Variants in KCNIP1 observed in about 807,000 individuals in gnomAD.
KCNIP1 encodes the protein A-type potassium channel modulatory protein KCNIP1.
Under a neutral mutation model 33.0 loss-of-function variants are expected in KCNIP1, and 18 were observed. The observed-to-expected ratio is 0.55, with a 90% CI of 0.38 to 0.81. KCNIP1 has a LOEUF of 0.81. Ranked by LOEUF, KCNIP1 falls within the 30% of genes least tolerant of loss-of-function variation. KCNIP1 has a pLI of 0.00. For missense variants in KCNIP1, 238 were observed against 271.6 expected, an observed-to-expected ratio of 0.88 and a Z score of 0.87; for synonymous variants, 93 against 98.3, an observed-to-expected ratio of 0.95 and a Z score of 0.32.
At chr5:170,442,510 C>T (rs1197778720) in intron 1 of KCNIP1, among the ~76,000 whole-genome samples, 3 of 152,166 alleles carry the variant, frequency 2.0e-5, no homozygotes, top group African/African-American at 2.4e-5. Flanking sequence ...GACAGGGCCT[C>T]GTTCTGCGTT....
chr5:170,514,485 C>T (rs1202367768), intron 1 of KCNIP1, among the ~76,000 whole-genome samples: 1 of 152,220 alleles, frequency 6.6e-6, no homozygotes, highest in Non-Finnish European at 1.5e-5. Context: ...ACTCTAAGCC[C>T]TGTAGGCCCT....
chr5:170,487,634 A>C (rs1581236146), intron 1 of KCNIP1, among the ~76,000 whole-genome samples: 1 of 149,828 alleles, frequency 6.7e-6, no homozygotes, highest in African/African-American at 2.5e-5. Context: ...CAATCCTCCC[A>C]CCTCAGCCCC....
At chr5:170,730,281 C>G (rs1764151174) in intron 5 of KCNIP1, among the ~76,000 whole-genome samples, 1 of 152,160 alleles carries the variant, frequency 6.6e-6, no homozygotes, top group African/African-American at 2.4e-5. Context: ...TATTCCATCA[C>G]TGAATAAACT....
chr5:170,660,138 G>A (rs746215481), intron 1 of KCNIP1, among the ~76,000 whole-genome samples: 1 of 152,132 alleles, frequency 6.6e-6, no homozygotes, highest in Non-Finnish European at 1.5e-5. Flanking sequence ...AGACCCAGCT[G>A]CTTTTCAAAT....
At chr5:170,577,984 C>T (rs1022287216) in intron 1 of KCNIP1, among the ~76,000 whole-genome samples, 2 of 152,202 alleles carry the variant, frequency 1.3e-5, no homozygotes, top group African/African-American at 4.8e-5. Context: ...CAATGAACAA[C>T]TTTGAACTAC....
At chr5:170,556,949 GC>G (rs1178085951) in intron 1 of KCNIP1, among the ~76,000 whole-genome samples, 6 of 152,196 alleles carry the variant, frequency 3.9e-5, no homozygotes, top group Admixed American at 6.5e-5. Flanking sequence ...TGGGCGTTCT[GC>G]CTTAGGAGTC....
chr5:170,627,954 A>G (rs1759899469), intron 1 of KCNIP1, among the ~76,000 whole-genome samples: 1 of 152,192 alleles, frequency 6.6e-6, no homozygotes, highest in Admixed American at 6.5e-5. Flanking sequence ...ACTTTTAACC[A>G]AAATGCCTTC....
At chr5:170,362,017 C>A (rs578221183) in intron 1 of KCNIP1, among the ~76,000 whole-genome samples, 369 of 152,302 alleles carry the variant, frequency 2.4e-3, no homozygotes, top group African/African-American at 8.3e-3. Flanking sequence ...ATTTCAAAGG[C>A]CTCTTTCAGC....
At chr5:170,589,243 C>G (rs1176728972) in intron 1 of KCNIP1, among the ~76,000 whole-genome samples, 1 of 152,144 alleles carries the variant, frequency 6.6e-6, no homozygotes, top group Non-Finnish European at 1.5e-5. Context: ...TCTTGATCCA[C>G]CCGCCTCGGC....
At chr5:170,413,321 G>A (rs755026032) in intron 1 of KCNIP1, among the ~76,000 whole-genome samples, 2 of 152,198 alleles carry the variant, frequency 1.3e-5, no homozygotes, top group South Asian at 2.1e-4. Context: ...AACTCATCGT[G>A]CCTGGCCTTG....
chr5:170,355,037 C>CTTAGAACTCTCTGTGCTAGT (rs1366328758), intron 1 of KCNIP1, among the ~76,000 whole-genome samples: 1 of 152,196 alleles, frequency 6.6e-6, no homozygotes, highest in East Asian at 1.9e-4. Context: ...TGACATGGCT[C>CTTAGAACTCTCTGTGCTAGT]AGGTGCCCGC....
At chr5:170,730,019 C>A (rs926281721) in intron 5 of KCNIP1, among the ~76,000 whole-genome samples, 1 of 151,776 alleles carries the variant, frequency 6.6e-6, no homozygotes, top group African/African-American at 2.4e-5. Context: ...AATGGAATAG[C>A]CAGTGGCCAC....
intron 1 of KCNIP1, among the ~76,000 whole-genome samples, chr5:170,362,892 G>A (rs948115977): frequency 1.5e-4 from 23 of 152,288 alleles, no homozygotes; most frequent in Middle Eastern, 3.4e-3. Flanking sequence ...GCTTGGAGCC[G>A]GCTATCACCC....
At chr5:170,590,802 A>T (rs1758220841) in intron 1 of KCNIP1, among the ~76,000 whole-genome samples, 1 of 152,226 alleles carries the variant, frequency 6.6e-6, no homozygotes, top group Non-Finnish European at 1.5e-5. Flanking sequence ...CATGGCAGCC[A>T]GTGCAGCTCA....
intron 1 of KCNIP1, among the ~76,000 whole-genome samples, chr5:170,645,250 A>AAC (rs1760738565): frequency 3.3e-5 from 5 of 152,218 alleles, no homozygotes; most frequent in African/African-American, 4.8e-5. Context: ...CAGGCTTTAA[A>AAC]TGGGGAACAG....
chr5:170,702,660 G>A (rs1157532781), intron 1 of KCNIP1, among the ~76,000 whole-genome samples: 5 of 152,188 alleles, frequency 3.3e-5, no homozygotes, highest in African/African-American at 1.2e-4. Context: ...AGACACAAGA[G>A]TGGGCCCAGC....
At chr5:170,458,672 C>T (rs1018209107) in intron 1 of KCNIP1, among the ~76,000 whole-genome samples, 3 of 152,174 alleles carry the variant, frequency 2.0e-5, no homozygotes, top group African/African-American at 4.8e-5. Flanking sequence ...ACTACCAAGT[C>T]AGCACTACAA....
intron 1 of KCNIP1, among the ~76,000 whole-genome samples, chr5:170,490,740 C>A (rs1243571488): frequency 1.3e-5 from 2 of 152,198 alleles, no homozygotes; most frequent in Non-Finnish European, 2.9e-5. Context: ...CCTCACGGAG[C>A]ACCACAGGCC....
chr5:170,621,240 A>G (rs1581407482), intron 1 of KCNIP1, among the ~76,000 whole-genome samples: 1 of 152,152 alleles, frequency 6.6e-6, no homozygotes, highest in South Asian at 2.1e-4. Flanking sequence ...TCTGGCCTAG[A>G]CCCTGTAGGC....
Sources: allele counts gnomAD v4.1 joint callset (sites outside exome capture counted in the v4.1 genomes callset), GRCh38; gene constraint gnomAD v4.1.1; transcripts MANE v1.5; gene names NCBI Gene and HGNC (gene_info 2026-07-23, HGNC 2026-07-21).